ANKRD42: variants seen among roughly 807,000 people sequenced by gnomAD.
ANKRD42 encodes ankyrin repeat domain 42, also known as ankyrin repeat domain-containing protein 42.
In ANKRD42, 43 loss-of-function variants were observed where a neutral mutation model predicts 51.5. The ratio of observed to expected loss-of-function variants is 0.83; its 90% CI spans 0.65 to 1.08. ANKRD42 has a LOEUF of 1.08. Among genes scored for constraint, ANKRD42 ranks in the 50% least tolerant of loss-of-function variants. The pLI, the probability that ANKRD42 is intolerant of heterozygous loss-of-function variation, is 0.00. For missense variants in ANKRD42, 608 were observed against 629.3 expected (o/e 0.97, Z 0.36); for synonymous variants, 203 against 213.0 (o/e 0.95, Z 0.41).
At chr11:83,233,239 A>T (rs555766012) in intron 7 of ANKRD42, among the ~76,000 whole-genome samples, 3 of 139,526 alleles carry the variant, frequency 2.2e-5, no homozygotes, top group Non-Finnish European at 3.1e-5. Context: ...TAACTGGGAG[A>T]CTTTTTATTA....
At chr11:83,225,324 C>T (rs1428597000) in intron 6 of ANKRD42, among the ~76,000 whole-genome samples, 2 of 151,898 alleles carry the variant, frequency 1.3e-5, no homozygotes, top group East Asian at 1.9e-4. Flanking sequence ...CCCAGAACTT[C>T]GGGAGTCTGA....
downstream of ANKRD42, among the ~76,000 whole-genome samples, chr11:83,257,757 CCA>C (rs763627721): frequency 1.1e-4 from 16 of 152,170 alleles, no homozygotes; most frequent in Non-Finnish European, 5.9e-5. Context: ...TGTACTTGCT[CCA>C]GTTTTCTCTA....
exon 12 of ANKRD42, chr11:83,256,028 T>C (rs1401910142): frequency 1.9e-5 from 16 of 859,788 alleles, no homozygotes; most frequent in Non-Finnish European, 2.6e-5. Flanking sequence ...TCAGAATTAC[T>C]CTGATATGCT....
rs78916071 is a variant in ANKRD42 at position 83,198,635 on chromosome 11, G to T, written c.215G>T (p.Ser72Ile). 7.6e-4 allele frequency: 1,208 copies of T among 1,589,348 alleles called. No homozygotes were observed. The highest frequency in any genetic ancestry group is 9.8e-4 in the Non-Finnish European group (1,146 of 1,167,382). The change falls in exon 2 of 11, where the codon AGT (serine) becomes ATT (isoleucine). Residue 72 changes from serine (S) to isoleucine (I), a missense_variant. By Grantham distance (142) the Ser-to-Ile change is moderately radical (BLOSUM62 -2). Transcript: ENST00000533342. ...TTACATTGGGCAGCACATTCTGGAA[G>T]TTTGGAGGTAAGAAACTATACATAT... The part of the protein sequence containing the change: ...TPLHWAAHSG[S>I]LECLHWLLWH...
chr11:83,210,116 A>C (rs1031431739), intron 3 of ANKRD42, 184 bp from the exon 4 acceptor site: 22 of 530,422 alleles, frequency 4.1e-5, no homozygotes, highest in East Asian at 6.6e-5. Context: ...TCTAAAAAAA[A>C]AAACAAACAT....
chr11:83,210,095 A>G, intron 3 of ANKRD42: 1 of 462,438 alleles, frequency 2.2e-6, no homozygotes, highest in Non-Finnish European at 3.8e-6. Flanking sequence ...TTAGAGAGGA[A>G]GTTTTTGTAA....
In ANKRD42 at chr11:83,248,192, T is replaced by G. The variant is rs370728412; in HGVS notation, c.1572T>G (p.Tyr524Ter). The G allele has an allele frequency of 2.7e-6, 4 of 1,503,868 alleles. No individual in the cohort carries two copies. In the African/African-American group the frequency reaches 5.6e-5, roughly 21 times the overall value. The allele number at this position is 1,503,868 out of a possible 1,614,324, so 93.2% of individuals were successfully genotyped here. Residue 524 changes from tyrosine (Y) to a stop codon, truncating the protein, a stop_gained, in exon 11 of 11, where the codon TAT becomes TAG. Transcript: ENST00000533342. LOFTEE classifies it high-confidence loss of function. ...GWGSLDLNPG[Y>*]SLF ...GCTCTTTGGACTTGAATCCTGGCTA[T>G]AGTCTTTTTTGATTTGGGCTACTCA... is the stretch of plus-strand genomic sequence containing the variant.
chr11:83,242,363 A>G (rs1037113108), intron 9 of ANKRD42, among the ~76,000 whole-genome samples: 1 of 152,106 alleles, frequency 6.6e-6, no homozygotes, highest in African/African-American at 2.4e-5. Context: ...TTAGGGGGCT[A>G]TCGCTATAGT....
chr11:83,227,946 T>A (rs1862941944), intron 7 of ANKRD42, 74 bp downstream of exon 7: 1 of 1,498,944 alleles, frequency 6.7e-7, no homozygotes, highest in African/African-American at 1.4e-5. Context: ...TAATTATCAG[T>A]CAGAAACACA....
intron 4 of ANKRD42, among the ~76,000 whole-genome samples, chr11:83,211,007 A>G (rs563011187): frequency 6.6e-6 from 1 of 152,324 alleles, no homozygotes; most frequent in East Asian, 1.9e-4. Flanking sequence ...TGATCATTCA[A>G]TCTATCCCTT....
In ANKRD42 at chr11:83,248,036, TC is replaced by T. The variant is rs1349658742; in HGVS notation, c.1417del (p.Gln473AsnfsTer48). The T allele has an allele frequency of 6.2e-7, 1 of 1,607,980 alleles. No homozygotes were observed. The highest frequency in any genetic ancestry group is 8.5e-7 in the Non-Finnish European group (1 of 1,176,758). On this transcript the variant is annotated frameshift_variant, in exon 11 of 11. Coordinates refer to ENST00000533342, the MANE Select transcript of ANKRD42 (RefSeq NM_001300975.2). LOFTEE classifies it low-confidence loss of function (END_TRUNC). ...QLDEYRAEVD[Q>X]LRETLEKIQV... ...TTGATGAATATCGAGCAGAAGTTGA[TC>T]AACTCAGGGAAACACTGGAAAAAAT...
At position 83,225,187 on chromosome 11, in the gene ANKRD42, A is replaced by G. The variant is rs1349271628; in HGVS notation, c.787+132A>G. 1.0e-5 allele frequency: 7 copies of G among 689,048 alleles called. No homozygotes were observed. In the Admixed American group the frequency reaches 1.8e-4, roughly 17 times the overall value. The allele number at this position is 689,048 out of a possible 1,614,324, so 42.7% of individuals were successfully genotyped here. Reference sequence around the variant, plus strand: ...ATACGTTATATGTAAAAATATAAACATGTTTAATATATAACATATTAAAAT... The same window carrying G: ...ATACGTTATATGTAAAAATATAAACGTGTTTAATATATAACATATTAAAAT... On this transcript the variant is annotated intron_variant, in intron 6 of 10. Coordinates refer to ENST00000533342, the MANE Select transcript of ANKRD42 (RefSeq NM_001300975.2).
At chr11:83,236,952 T>G (rs1863242442) in intron 8 of ANKRD42, among the ~76,000 whole-genome samples, 1 of 152,268 alleles carries the variant, frequency 6.6e-6, no homozygotes, top group Non-Finnish European at 1.5e-5. Flanking sequence ...ACTTGGATTT[T>G]GAAACATATT....
intron 2 of ANKRD42, among the ~76,000 whole-genome samples, chr11:83,205,193 A>C (rs1316257743): frequency 2.0e-5 from 3 of 152,228 alleles, no homozygotes; most frequent in Non-Finnish European, 2.9e-5. Flanking sequence ...AAACCAGTAC[A>C]TGAATGTCGA....
At position 83,248,687 on chromosome 11, in the gene ANKRD42, T is replaced by C. The variant is rs1259783236; in HGVS notation, c.*483T>C. 1.0e-6 allele frequency: 1 copy of C among 978,670 alleles called. No individual in the cohort carries two copies. Among genetic ancestry groups the C allele is most frequent in the Non-Finnish European group, 1.2e-6 (1 of 823,846 alleles). 60.6% of individuals were successfully genotyped at this position (978,670 alleles called of 1,614,324 possible). On this transcript the variant is annotated 3_prime_UTR_variant, in exon 11 of 11. Coordinates refer to ENST00000533342, the MANE Select transcript of ANKRD42 (RefSeq NM_001300975.2). ...CTTTTTATTTTGCACAAACTAGTCATTGGTCTCTTTAATAACCACTTTAAA... is the reference window on the plus strand; with the variant it reads ...CTTTTTATTTTGCACAAACTAGTCACTGGTCTCTTTAATAACCACTTTAAA...
At chr11:83,258,435 G>A (rs1270307505), downstream of ANKRD42, among the ~76,000 whole-genome samples, 1 of 152,064 alleles carries the variant, frequency 6.6e-6, no homozygotes, top group Admixed American at 6.6e-5. Context: ...TACTCAGGTT[G>A]AACCCTACTA....
intron 9 of ANKRD42, among the ~76,000 whole-genome samples, chr11:83,244,306 C>T (rs1055862159): frequency 1.3e-5 from 2 of 152,112 alleles, no homozygotes; most frequent in African/African-American, 4.8e-5. Context: ...AGTACATATT[C>T]TTGAACTTAT....
At chr11:83,263,361 ATTTC>A, downstream of ANKRD42, among the ~76,000 whole-genome samples, 1 of 152,116 alleles carries the variant, frequency 6.6e-6, no homozygotes, top group South Asian at 2.1e-4. Flanking sequence ...TTCAGCTTTT[ATTTC>A]TCATGGCTGT....
downstream of ANKRD42, chr11:83,259,090 A>G (rs1863826545): frequency 6.6e-6 from 1 of 152,216 alleles, no homozygotes; most frequent in Non-Finnish European, 1.5e-5. Context: ...ATTAAGGTCA[A>G]CTGAGATTTA....
Sources: allele counts gnomAD v4.1 joint callset (sites outside exome capture counted in the v4.1 genomes callset), GRCh38; gene constraint gnomAD v4.1.1; transcripts MANE v1.5; gene names NCBI Gene and HGNC (gene_info 2026-07-23, HGNC 2026-07-21).